Variants in HSD3B1 observed in about 807,000 individuals in gnomAD.
The protein encoded by HSD3B1 is 3 beta-hydroxysteroid dehydrogenase/Delta 5-->4-isomerase type 1.
A neutral mutation model predicts 10.4 loss-of-function variants in HSD3B1; 11 were observed. The ratio of observed to expected loss-of-function variants is 1.05; its 90% CI spans 0.66 to 1.75. The LOEUF is 1.75. Ranked by LOEUF, HSD3B1 falls within the 40% of genes most tolerant of loss-of-function variation. The pLI is 0.00. For synonymous variants in HSD3B1, 217 were observed against 185.4 expected, an observed-to-expected ratio of 1.17 and a Z score of -1.39; for missense variants, 490 against 454.5, an observed-to-expected ratio of 1.08 and a Z score of -0.71.
At chr1:119,513,103 G>A (rs1304972727) in intron 3 of HSD3B1, among the ~76,000 whole-genome samples, 3 of 152,150 alleles carry the variant, frequency 2.0e-5, no homozygotes, top group African/African-American at 7.2e-5. Context: ...CACAGGAAAT[G>A]CCAGGGCAGG....
Position 119,507,746 on chromosome 1 carries a change from A to T in HSD3B1, c.145+125A>T, listed in dbSNP as rs587624792. ...CAAATCTAAGCCAATCTCACATCCA[A>T]AGTCATCAAGAAATAAATATTAAAT... On this transcript the variant is annotated intron_variant, in intron 2 of 3. Transcript: ENST00000369413. 9.7e-6 allele frequency: 9 copies of T among 929,736 alleles called. 1 individual carries two copies. The South Asian group carries it at 1.3e-4, about 13-fold the overall frequency. The allele number at this position is 929,736 out of a possible 1,614,324, so 57.6% of individuals were successfully genotyped here.
In HSD3B1 at chr1:119,514,333, C is replaced by T. The variant is rs756200955; in HGVS notation, c.810C>T (p.Tyr270=). 3 of 1,614,152 alleles carry T rather than the reference C, an allele frequency of 1.9e-6. No individual in the cohort carries two copies. Among genetic ancestry groups the T allele is most frequent in the East Asian group, 2.2e-5 (1 of 44,866 alleles). The change falls in exon 4 of 4, where the codon TAC becomes TAT. Residue 270 remains tyrosine (Y), a synonymous_variant. Transcript: ENST00000369413. ...TPHQSYDNLN[Y]TLSKEFGLRL... is the part of the protein sequence containing the mutation. ...ACCAAAGCTATGATAACCTTAATTA[C>T]ACCCTGAGCAAAGAGTTCGGCCTCC...
In HSD3B1 at chr1:119,507,607, G is replaced by A. The variant is rs1357882450; in HGVS notation, c.131G>A (p.Arg44Lys). 3 of 1,613,980 alleles carry A rather than the reference G, an allele frequency of 1.9e-6. No individual in the cohort carries two copies. Among genetic ancestry groups the A allele is most frequent in the Non-Finnish European group, 2.5e-6 (3 of 1,179,896 alleles). The change falls in exon 2 of 4, where the codon AGA becomes AAA. Residue 44 changes from arginine (R) to lysine (K), a missense_variant. Transcript: ENST00000369413. ...GACAAGGCCTTCGGACCAGAATTGA[G>A]AGAGGAATTTTCTAGTAAGTAAACT... ...VLDKAFGPEL[R>K]EEFSKLQNKT...
At chr1:119,511,417 G>A in intron 2 of HSD3B1, 86 bp from the exon 3 acceptor site, 3 of 1,361,782 alleles carry the variant, frequency 2.2e-6, no homozygotes, top group Non-Finnish European at 2.1e-6. Flanking sequence ...AACCATCCTT[G>A]AACACCTATG....
intron 3 of HSD3B1, 84 bp from the exon 4 acceptor site, chr1:119,513,750 G>T: frequency 7.9e-7 from 1 of 1,273,008 alleles, no homozygotes; most frequent in Non-Finnish European, 1.1e-6. Flanking sequence ...TTGGGAGTGG[G>T]GGGTGGGGCA....
chr1:119,514,200 T>C lies in HSD3B1; in HGVS notation c.677T>C (p.Val226Ala), dbSNP rs760165603. Residue 226 changes from valine (V) to alanine (A), a missense_variant, in exon 4 of 4, where the codon GTT becomes GCT. Transcript: ENST00000369413. Reference sequence around the variant, plus strand: ...TTCTCCACTGTTAACCCAGTCTATGTTGGCAATGTGGCCTGGGCCCACATT... The same window carrying C: ...TTCTCCACTGTTAACCCAGTCTATGCTGGCAATGTGGCCTGGGCCCACATT... ...GKFSTVNPVY[V>A]GNVAWAHILA... The C allele has an allele frequency of 1.2e-6, 2 of 1,613,478 alleles. No homozygotes were observed. Among genetic ancestry groups the C allele is most frequent in the African/African-American group, 1.3e-5 (1 of 75,034 alleles).
In HSD3B1 at chr1:119,514,019, G is replaced by A. The variant is rs762105944; in HGVS notation, c.496G>A (p.Val166Ile). The change falls in exon 4 of 4, where the codon GTA becomes ATA. Residue 166 changes from valine (V) to isoleucine (I), a missense_variant. Val to Ile is a conservative substitution (Grantham distance 29). Transcript: ENST00000369413. ...CAGCAAAAAGCTTGCTGAGAAGGCTGTACTGGCGGCTAACGGGTGGAATCT... is the reference window on the plus strand; with the variant it reads ...CAGCAAAAAGCTTGCTGAGAAGGCTATACTGGCGGCTAACGGGTGGAATCT... ...PHSKKLAEKA[V>I]LAANGWNLKN... 3.7e-6 allele frequency: 6 copies of A among 1,614,158 alleles called. No individual in the cohort carries two copies. The Admixed American group carries it at 5.0e-5, about 13-fold the overall frequency.
intron 3 of HSD3B1, among the ~76,000 whole-genome samples, chr1:119,513,138 C>G (rs1653986031): frequency 6.6e-6 from 1 of 152,166 alleles, no homozygotes; most frequent in African/African-American, 2.4e-5. Context: ...TTATCACCTC[C>G]ACTTTACATA....
At chr1:119,513,792 A>G in intron 3 of HSD3B1, 42 bp from the exon 4 acceptor site, 2 of 1,594,224 alleles carry the variant, frequency 1.3e-6, no homozygotes, top group Non-Finnish European at 1.7e-6. Flanking sequence ...GGCACCTCTT[A>G]GGGATATATC....
Position 119,507,508 on chromosome 1 carries a change from C to T in HSD3B1, c.32C>T (p.Ala11Val), listed in dbSNP as rs1653819502. The stretch of plus-strand genomic sequence containing the variant: ...GGCTGGAGCTGCCTTGTGACAGGAG[C>T]AGGAGGGTTTCTGGGACAGAGGATC... MTGWSCLVTG[A>V]GGFLGQRIIR... Residue 11 changes from alanine to valine, a missense_variant, in exon 2 of 4, where the codon GCA becomes GTA. By Grantham distance (64) the Ala-to-Val change is moderately conservative. Coordinates refer to ENST00000369413, the MANE Select transcript of HSD3B1 (RefSeq NM_000862.3). 5 of 1,613,914 alleles carry T rather than the reference C, an allele frequency of 3.1e-6. No individual in the cohort carries two copies. Among genetic ancestry groups the T allele is most frequent in the Non-Finnish European group, 4.2e-6 (5 of 1,179,924 alleles).
At chr1:119,508,370 TAAAA>T (rs71074421) in intron 2 of HSD3B1, among the ~76,000 whole-genome samples, 1 of 140,610 alleles carries the variant, frequency 7.1e-6, no homozygotes, top group African/African-American at 2.6e-5. Flanking sequence ...GGCTTTTTTT[TAAAA>T]AAAAAAAAAC....
chr1:119,512,798 C>T (rs1465748451), intron 3 of HSD3B1, among the ~76,000 whole-genome samples: 3 of 152,140 alleles, frequency 2.0e-5, no homozygotes, highest in Non-Finnish European at 2.9e-5. Flanking sequence ...GTCATTTCCC[C>T]CTTGAAGGTA....
At chr1:119,508,173 G>A (rs1653842667) in intron 2 of HSD3B1, 1 of 155,432 alleles carries the variant, frequency 6.4e-6, no homozygotes, top group Non-Finnish European at 1.4e-5. Context: ...AGAGAGTCGG[G>A]GAGAGAGAGT....
chr1:119,513,219 G>A lies in HSD3B1; in HGVS notation c.311-615G>A, dbSNP rs142459541. 3.1e-3 allele frequency among the ~76,000 whole-genome samples: 470 copies of A among 152,318 alleles called. 3 individuals carry two copies. The highest frequency in any genetic ancestry group is 5.6e-3 in the Non-Finnish European group (384 of 68,026). ...GGGAATGCACAATCAGGAAGAGTGT[G>A]GGTTTCCAGCATCTCCCCACAACCC... is the stretch of plus-strand genomic sequence containing the variant. On this transcript the variant is annotated intron_variant, in intron 3 of 3. Transcript: ENST00000369413.
intron 2 of HSD3B1, 193 bp downstream of exon 2, chr1:119,507,814 CAG>C (rs1653832140): frequency 3.6e-6 from 2 of 554,752 alleles, no homozygotes; most frequent in Non-Finnish European, 6.2e-6. Context: ...GTGGGATTTC[CAG>C]AGACTAGATT....
chr1:119,507,351 G>C (rs1356418278), intron 1 of HSD3B1, 41 bp from the exon 2 acceptor site: 3 of 896,998 alleles, frequency 3.3e-6, no homozygotes, highest in Non-Finnish European at 5.3e-6. Flanking sequence ...GGAAAATGAG[G>C]CATCTGTGTG....
rs755314909 is a variant in HSD3B1, at chr1:119,511,681, G to A, written c.310+14G>A. On this transcript the variant is annotated intron_variant, in intron 3 of 3. Coordinates refer to ENST00000369413, the MANE Select transcript of HSD3B1 (RefSeq NM_000862.3). ...TCAATGTGAAAGGTATGGTAGGCTG[G>A]GGAGGAGATGCAGCAAGGTGGGGAA... is the stretch of plus-strand genomic sequence containing the variant. The A allele has an allele frequency of 1.2e-6, 2 of 1,612,372 alleles. No individual in the cohort carries two copies. The highest frequency in any genetic ancestry group is 1.3e-5 in the African/African-American group (1 of 74,970).
At chr1:119,512,705 T>G (rs1323743829) in intron 3 of HSD3B1, among the ~76,000 whole-genome samples, 1 of 152,196 alleles carries the variant, frequency 6.6e-6, no homozygotes, top group Non-Finnish European at 1.5e-5. Context: ...GGAGGGGATA[T>G]GAAATGACAG....
intron 3 of HSD3B1, among the ~76,000 whole-genome samples, chr1:119,513,364 T>C (rs1400065839): frequency 6.6e-6 from 1 of 152,142 alleles, no homozygotes; most frequent in Non-Finnish European, 1.5e-5. Flanking sequence ...CTATATACAA[T>C]GGTGTATGTG....
Sources: allele counts gnomAD v4.1 joint callset (sites outside exome capture counted in the v4.1 genomes callset), GRCh38; gene constraint gnomAD v4.1.1; transcripts MANE v1.5; gene names NCBI Gene and HGNC (gene_info 2026-07-23, HGNC 2026-07-21).